SNX29: variants seen among roughly 807,000 people sequenced by gnomAD.
The protein encoded by SNX29 is sorting nexin 29.
In SNX29, 78 loss-of-function variants were observed where a neutral mutation model predicts 102.1. That is an observed-to-expected ratio of 0.76 (90% confidence interval 0.64 to 0.92). SNX29 has a LOEUF of 0.92. Ranked by LOEUF, SNX29 falls within the 40% of genes least tolerant of loss-of-function variation. SNX29 has a pLI of 0.00. For synonymous variants in SNX29, 580 were observed against 414.5 expected (o/e 1.40, Z -4.85); for missense variants, 1,280 against 1,061.7 (o/e 1.21, Z -2.86).
At chr16:12,147,748 C>A (rs2055125208) in intron 13 of SNX29, among the ~76,000 whole-genome samples, 1 of 152,226 alleles carries the variant, frequency 6.6e-6, no homozygotes, top group Admixed American at 6.5e-5. Flanking sequence ...TTTTTCAAAT[C>A]TTGCCTTTCC....
intron 20 of SNX29, among the ~76,000 whole-genome samples, chr16:12,554,432 G>A (rs1471596506): frequency 1.3e-5 from 2 of 152,198 alleles, no homozygotes; most frequent in Admixed American, 1.3e-4. Flanking sequence ...GTGTCCTGCT[G>A]TTTCCGCACA....
chr16:12,461,886 G>A (rs1351297654), intron 18 of SNX29, among the ~76,000 whole-genome samples: 11 of 145,434 alleles, frequency 7.6e-5, no homozygotes, highest in East Asian at 2.0e-4. Flanking sequence ...AACATGGGAG[G>A]CGGAGGTTGC....
chr16:12,143,466 G>T (rs1432296913), intron 13 of SNX29, among the ~76,000 whole-genome samples: 1 of 152,120 alleles, frequency 6.6e-6, no homozygotes, highest in Non-Finnish European at 1.5e-5. Flanking sequence ...TTAATTTAAG[G>T]CGGTGCTCGT....
rs184784130 is a variant in SNX29, at chr16:12,213,558, G to C, written c.1678+13875G>C. On this transcript the variant is annotated intron_variant, in intron 14 of 20. Coordinates refer to ENST00000566228, the MANE Select transcript of SNX29 (RefSeq NM_032167.5). ...TAAAAGTGATGACACACGCAAAGTA[G>C]CAGGCAGTGGTTGGTGTTGTGGGTT... Among the ~76,000 whole-genome samples, 3 of 152,358 alleles carry C rather than the reference G, an allele frequency of 2.0e-5. No homozygotes were observed. In the East Asian group the frequency reaches 5.8e-4, roughly 29 times the overall value.
At chr16:12,338,839 A>G (rs1048488934) in intron 15 of SNX29, among the ~76,000 whole-genome samples, 1 of 151,506 alleles carries the variant, frequency 6.6e-6, no homozygotes, top group African/African-American at 2.4e-5. Flanking sequence ...ATATTTATTG[A>G]TTGAAAGAGG....
intron 20 of SNX29, among the ~76,000 whole-genome samples, chr16:12,530,620 A>G (rs964619323): frequency 6.6e-6 from 1 of 151,956 alleles, no homozygotes. Context: ...CAGTGGCGCA[A>G]TCTCAGCTCA....
At chr16:12,385,612 G>C (rs1046836174) in intron 16 of SNX29, among the ~76,000 whole-genome samples, 2 of 152,200 alleles carry the variant, frequency 1.3e-5, no homozygotes, top group Non-Finnish European at 2.9e-5. Context: ...GGGGGCTGTA[G>C]TTACCTCCCA....
At chr16:12,338,510 C>T (rs1473044084) in intron 15 of SNX29, among the ~76,000 whole-genome samples, 4 of 152,236 alleles carry the variant, frequency 2.6e-5, no homozygotes, top group East Asian at 1.9e-4. Context: ...AGGGGTGTCA[C>T]GTTCTCCTCA....
intron 20 of SNX29, among the ~76,000 whole-genome samples, chr16:12,532,822 C>A (rs532678079): frequency 1.3e-5 from 2 of 152,304 alleles, no homozygotes; most frequent in South Asian, 4.1e-4. Context: ...ACAGCCTGGT[C>A]AGCCTAGCGA....
At chr16:12,022,529 G>C (rs373499417) in intron 3 of SNX29, among the ~76,000 whole-genome samples, 1 of 152,130 alleles carries the variant, frequency 6.6e-6, no homozygotes, top group Non-Finnish European at 1.5e-5. Context: ...TAAATTTATA[G>C]TGTTGTGTAA....
At chr16:12,212,880 G>A (rs757106368) in intron 14 of SNX29, among the ~76,000 whole-genome samples, 1 of 152,174 alleles carries the variant, frequency 6.6e-6, no homozygotes, top group East Asian at 1.9e-4. Context: ...TTGGGAGGCC[G>A]AGGTGGTTGA....
At chr16:12,417,825 C>G (rs369119887) in intron 18 of SNX29, among the ~76,000 whole-genome samples, 4 of 152,020 alleles carry the variant, frequency 2.6e-5, no homozygotes, top group African/African-American at 9.7e-5. Context: ...AGAGGAAATT[C>G]ATAATTTCCT....
chr16:12,261,242 CTG>C (rs1288824682), intron 14 of SNX29, among the ~76,000 whole-genome samples: 1 of 138,456 alleles, frequency 7.2e-6, no homozygotes, highest in Non-Finnish European at 1.5e-5. Context: ...GAGCTCGGGT[CTG>C]TGTGCGCACC....
intron 15 of SNX29, among the ~76,000 whole-genome samples, chr16:12,306,081 C>T (rs1003451011): frequency 2.0e-5 from 3 of 151,368 alleles, no homozygotes; most frequent in African/African-American, 7.3e-5. Context: ...GCATGTAAAA[C>T]CATTCATCCT....
chr16:12,541,598 T>C (rs2077343693), intron 20 of SNX29, among the ~76,000 whole-genome samples: 2 of 152,112 alleles, frequency 1.3e-5, no homozygotes, highest in South Asian at 4.1e-4. Flanking sequence ...AACCCTGAGG[T>C]CACACTCTGG....
chr16:12,542,405 C>A (rs182792164), intron 20 of SNX29, among the ~76,000 whole-genome samples: 6 of 152,208 alleles, frequency 3.9e-5, no homozygotes, highest in Non-Finnish European at 8.8e-5. Flanking sequence ...GCACAGTCTC[C>A]CCTCACTACA....
intron 16 of SNX29, among the ~76,000 whole-genome samples, chr16:12,392,593 C>A (rs2151473831): frequency 6.6e-6 from 1 of 152,274 alleles, no homozygotes. Context: ...TTGGGAAAAA[C>A]AAATGTGTCA....
rs906916401 is a variant in SNX29 at position 12,500,899 on chromosome 16, G to A, written c.2178+23040G>A. On this transcript the variant is annotated intron_variant, in intron 19 of 20. Transcript: ENST00000566228. ...TCTCCTTCCTCCCCGCCTCACCTTGGTCCCCTCAGTGGAGGGCACCTGTTG... is the reference window on the plus strand; with the variant it reads ...TCTCCTTCCTCCCCGCCTCACCTTGATCCCCTCAGTGGAGGGCACCTGTTG... 2.0e-5 allele frequency among the ~76,000 whole-genome samples: 3 copies of A among 152,140 alleles called. No homozygotes were observed. The South Asian group carries it at 6.2e-4, about 32-fold the overall frequency.
chr16:12,023,486 G>C (rs1024128379), intron 3 of SNX29, among the ~76,000 whole-genome samples: 4 of 151,054 alleles, frequency 2.6e-5, no homozygotes, highest in African/African-American at 7.3e-5. Context: ...GCTGAGGTGG[G>C]AGGATCGTTT....
Sources: allele counts gnomAD v4.1 joint callset (sites outside exome capture counted in the v4.1 genomes callset), GRCh38; gene constraint gnomAD v4.1.1; transcripts MANE v1.5; gene names NCBI Gene and HGNC (gene_info 2026-07-23, HGNC 2026-07-21).